Variants in CORIN observed in about 807,000 individuals in gnomAD.
CORIN encodes the protein corin, serine peptidase, also known as atrial natriuretic peptide-converting enzyme.
CORIN carries 117 observed loss-of-function variants against 125.3 expected under a neutral mutation model. That is an observed-to-expected ratio of 0.93 (90% CI 0.80 to 1.09). The LOEUF is 1.09. CORIN is among the 50% of genes least tolerant of loss of function. CORIN has a pLI of 0.00. For synonymous variants in CORIN, 450 were observed against 466.4 expected (o/e 0.96, Z 0.45); for missense variants, 1,253 against 1,306.7 (o/e 0.96, Z 0.63).
intron 5 of CORIN, among the ~76,000 whole-genome samples, chr4:47,734,934 G>A (rs13139958): frequency 0.092 from 13,945 of 152,104 alleles, 795 homozygotes; most frequent in East Asian, 0.28. Flanking sequence ...GAACCAATGC[G>A]TTAAACAGAT....
chr4:47,803,704 AT>A (rs1731643348), intron 2 of CORIN, among the ~76,000 whole-genome samples: 1 of 152,258 alleles, frequency 6.6e-6, no homozygotes, highest in Non-Finnish European at 1.5e-5. Context: ...CAAAAATCAA[AT>A]CAAAATGGAT....
chr4:47,627,942 C>T (rs751327272), intron 16 of CORIN, among the ~76,000 whole-genome samples: 1 of 152,088 alleles, frequency 6.6e-6, no homozygotes, highest in African/African-American at 2.4e-5. Flanking sequence ...GAACACCAGC[C>T]TTTCAACTCA....
At chr4:47,745,959 C>T (rs1310865171) in intron 4 of CORIN, among the ~76,000 whole-genome samples, 1 of 152,188 alleles carries the variant, frequency 6.6e-6, no homozygotes, top group Non-Finnish European at 1.5e-5. Context: ...TAATTGTCTA[C>T]ATACATTAAT....
Position 47,828,515 on chromosome 4 carries a change from G to A in CORIN, c.63+9372C>T, listed in dbSNP as rs529467867. ...TGGTGAACACATCTACATTCTGGGA[G>A]CACTCCAACTCCATGGGGACAGAAG... On this transcript the variant is annotated intron_variant, in intron 1 of 21. Coordinates refer to ENST00000273857, the MANE Select transcript of CORIN (RefSeq NM_006587.4). 5.3e-5 allele frequency among the ~76,000 whole-genome samples: 8 copies of A among 152,292 alleles called. No individual in the cohort carries two copies. The South Asian group carries it at 1.7e-3, about 32-fold the overall frequency.
At chr4:47,796,088 C>T (rs530284262) in intron 2 of CORIN, among the ~76,000 whole-genome samples, 1 of 152,088 alleles carries the variant, frequency 6.6e-6, no homozygotes, top group South Asian at 2.1e-4. Context: ...ATAGAACTAT[C>T]GCATGATCCA....
chr4:47,660,258 T>G (rs191179026), intron 12 of CORIN, among the ~76,000 whole-genome samples: 1 of 152,282 alleles, frequency 6.6e-6, no homozygotes, highest in Admixed American at 6.5e-5. Flanking sequence ...GGGGAAACTT[T>G]CCAGTACACT....
At chr4:47,657,410 C>G (rs1724040096) in intron 12 of CORIN, among the ~76,000 whole-genome samples, 1 of 151,726 alleles carries the variant, frequency 6.6e-6, no homozygotes, top group Admixed American at 6.6e-5. Flanking sequence ...TGGCGAGCAC[C>G]TATAGTCCCA....
At chr4:47,665,477 G>A (rs1724440233) in intron 10 of CORIN, among the ~76,000 whole-genome samples, 1 of 152,168 alleles carries the variant, frequency 6.6e-6, no homozygotes, top group Non-Finnish European at 1.5e-5. Context: ...ATATGTAGTT[G>A]CTAGCACTGT....
chr4:47,835,505 G>C (rs112242306), intron 1 of CORIN, among the ~76,000 whole-genome samples: 70 of 152,256 alleles, frequency 4.6e-4, no homozygotes, highest in African/African-American at 1.4e-3. Context: ...GCGGAAAAGA[G>C]GAAAAATAAG....
At chr4:47,752,835 G>A (rs541003660) in intron 4 of CORIN, among the ~76,000 whole-genome samples, 2 of 152,256 alleles carry the variant, frequency 1.3e-5, no homozygotes, top group South Asian at 4.1e-4. Flanking sequence ...ATACTTACCA[G>A]GGCCCAGGGG....
rs373981453 is a variant in CORIN, at chr4:47,837,951, G to A, written c.-2C>T. Reference sequence around the variant, plus strand: ...AGCGAGGGCAGGAGACTGTTTCATGGATAAAAAGTCTCGCTTATTCTTCTG... The same window carrying A: ...AGCGAGGGCAGGAGACTGTTTCATGAATAAAAAGTCTCGCTTATTCTTCTG... On this transcript the variant is annotated 5_prime_UTR_variant, in exon 1 of 22. Coordinates refer to ENST00000273857, the MANE Select transcript of CORIN (RefSeq NM_006587.4). The A allele has an allele frequency of 5.6e-6, 9 of 1,612,386 alleles. No homozygotes were observed. The highest frequency in any genetic ancestry group is 7.6e-6 in the Non-Finnish European group (9 of 1,180,026).
chr4:47,745,024 T>G (rs1577884363), intron 4 of CORIN, among the ~76,000 whole-genome samples: 1 of 152,134 alleles, frequency 6.6e-6, no homozygotes, highest in Admixed American at 6.5e-5. Flanking sequence ...CAGCAGAGAG[T>G]AAGCTGTTCC....
chr4:47,720,255 T>C (rs1014767554), intron 5 of CORIN, among the ~76,000 whole-genome samples: 1 of 152,238 alleles, frequency 6.6e-6, no homozygotes, highest in Non-Finnish European at 1.5e-5. Context: ...GAACACTACA[T>C]GTTTTCTTCA....
intron 3 of CORIN, among the ~76,000 whole-genome samples, chr4:47,769,943 A>AT (rs780188644): frequency 4.5e-4 from 69 of 152,298 alleles, no homozygotes; most frequent in Admixed American, 1.4e-3. Context: ...GCTCAGTGAC[A>AT]TTGGTCTGGT....
chr4:47,624,418 A>G (rs142918163), intron 17 of CORIN, among the ~76,000 whole-genome samples: 1 of 152,272 alleles, frequency 6.6e-6, no homozygotes, highest in Non-Finnish European at 1.5e-5. Context: ...AAGTTGAGAA[A>G]TACTCCAAGA....
intron 1 of CORIN, among the ~76,000 whole-genome samples, chr4:47,811,835 T>A (rs1053319867): frequency 1.3e-5 from 2 of 152,228 alleles, no homozygotes; most frequent in Non-Finnish European, 2.9e-5. Flanking sequence ...ATTCTGTCTA[T>A]ACTGCTCTGC....
chr4:47,633,001 C>T (rs1031254333), intron 16 of CORIN, among the ~76,000 whole-genome samples: 2 of 152,006 alleles, frequency 1.3e-5, no homozygotes, highest in South Asian at 2.1e-4. Flanking sequence ...AGGCTGGTCT[C>T]GAACTCCTGA....
intron 5 of CORIN, among the ~76,000 whole-genome samples, chr4:47,730,000 C>T (rs1010033860): frequency 6.6e-6 from 1 of 152,154 alleles, no homozygotes; most frequent in African/African-American, 2.4e-5. Flanking sequence ...AGAGCCACCT[C>T]CACCACTCAA....
At chr4:47,812,089 A>G (rs1395596125) in intron 1 of CORIN, among the ~76,000 whole-genome samples, 2 of 152,246 alleles carry the variant, frequency 1.3e-5, no homozygotes, top group African/African-American at 4.8e-5. Flanking sequence ...GAAATATGAT[A>G]TAATTGTACA....
Sources: allele counts gnomAD v4.1 joint callset (sites outside exome capture counted in the v4.1 genomes callset), GRCh38; gene constraint gnomAD v4.1.1; transcripts MANE v1.5; gene names NCBI Gene and HGNC (gene_info 2026-07-23, HGNC 2026-07-21).